EPB41L1: variants seen among roughly 807,000 people sequenced by gnomAD.
The protein encoded by EPB41L1 is band 4.1-like protein 1.
A neutral mutation model predicts 97.8 loss-of-function variants in EPB41L1; 29 were observed. The observed-to-expected ratio is 0.30, with a 90% CI of 0.22 to 0.40. The LOEUF (loss-of-function observed/expected upper bound fraction) is 0.40. Ranked by LOEUF, EPB41L1 falls within the 10% of genes least tolerant of loss-of-function variation. The pLI is 1.00. For synonymous variants in EPB41L1, 383 were observed against 459.2 expected (o/e 0.83, Z 2.12); for missense variants, 812 against 1,162.3 (o/e 0.70, Z 4.38).
At chr20:36,227,838 C>T (rs1002928274) in intron 21 of EPB41L1, among the ~76,000 whole-genome samples, 4 of 152,214 alleles carry the variant, frequency 2.6e-5, no homozygotes, top group African/African-American at 9.6e-5. Flanking sequence ...CTCCCTGCAA[C>T]CTTGCAGGTC....
intron 1 of EPB41L1, among the ~76,000 whole-genome samples, chr20:36,169,699 A>G (rs1406548971): frequency 1.3e-5 from 2 of 152,058 alleles, no homozygotes; most frequent in Non-Finnish European, 2.9e-5. Flanking sequence ...CTCTCCCTGC[A>G]TCTCCTGTCT....
intron 14 of EPB41L1, among the ~76,000 whole-genome samples, chr20:36,200,500 TGTAATCCAA>T (rs2146592909): frequency 6.6e-6 from 1 of 152,346 alleles, no homozygotes; most frequent in East Asian, 1.9e-4. Flanking sequence ...TAAAGGGGGC[TGTAATCCAA>T]ACTGCAGGGT....
At chr20:36,162,899 T>C (rs528406217) in intron 1 of EPB41L1, among the ~76,000 whole-genome samples, 1 of 152,318 alleles carries the variant, frequency 6.6e-6, no homozygotes, top group South Asian at 2.1e-4. Flanking sequence ...CCAGACAGGA[T>C]GACTGCAGAC....
rs148060927 is a variant in EPB41L1, at chr20:36,211,507, A to T, written c.2080-765A>T. The stretch of plus-strand genomic sequence containing the variant: ...CTCAACAAACCCTCTTCACTCATTG[A>T]CATCTCCTGCCTGGATGCTGTAGGC... On this transcript the variant is annotated intron_variant, in intron 15 of 21. Transcript: ENST00000338074. Among the ~76,000 whole-genome samples the T allele has an allele frequency of 8.9e-4, 136 of 152,270 alleles. 1 individual carries two copies. Among genetic ancestry groups the T allele is most frequent in the African/African-American group, 3.2e-3 (131 of 41,572 alleles).
Position 36,190,434 on chromosome 20 carries a change from A to G in EPB41L1, c.1124+60A>G. 1.9e-6 allele frequency: 3 copies of G among 1,576,560 alleles called. No individual in the cohort carries two copies. Among genetic ancestry groups the G allele is most frequent in the Non-Finnish European group, 2.6e-6 (3 of 1,151,378 alleles). On this transcript the variant is annotated intron_variant, in intron 10 of 21. Coordinates refer to ENST00000338074, the MANE Select transcript of EPB41L1 (RefSeq NM_012156.2). This position sits in a 1 kb window ranked among gnomAD's most constrained non-coding sequence, Gnocchi z 5.8. ...GGCAGAGGCCATGTGTATGGAGGGG[A>G]GCAGGGGGAGGAGTTAGTGAGAACT...
At chr20:36,147,567 G>C (rs934100530) in intron 2 of EPB41L1, among the ~76,000 whole-genome samples, 1 of 152,216 alleles carries the variant, frequency 6.6e-6, no homozygotes, top group African/African-American at 2.4e-5. Flanking sequence ...AATCAAGGTG[G>C]ATCTATAATG....
intron 1 of EPB41L1, among the ~76,000 whole-genome samples, chr20:36,104,914 G>C (rs2058140504): frequency 6.6e-6 from 1 of 152,132 alleles, no homozygotes; most frequent in African/African-American, 2.4e-5. Flanking sequence ...GTTAGGGTGA[G>C]GAGGGGGCCA....
intron 2 of EPB41L1, among the ~76,000 whole-genome samples, chr20:36,134,747 C>T (rs1457114073): frequency 1.3e-5 from 2 of 151,866 alleles, no homozygotes; most frequent in Non-Finnish European, 2.9e-5. Context: ...CCAAAGGCTG[C>T]ATTGGTCTCA....
chr20:36,126,227 A>G (rs2058960788), intron 2 of EPB41L1, among the ~76,000 whole-genome samples: 1 of 152,032 alleles, frequency 6.6e-6, no homozygotes, highest in African/African-American at 2.4e-5. Context: ...CATACCTCCT[A>G]AGGAGGGGTG....
Position 36,209,604 on chromosome 20 carries a change from G to T in EPB41L1, c.1785G>T (p.Lys595Asn). 6.2e-7 allele frequency: 1 copy of T among 1,614,174 alleles called. No homozygotes were observed. Among genetic ancestry groups the T allele is most frequent in the Non-Finnish European group, 8.5e-7 (1 of 1,180,024 alleles). ...AGGAGAGGGACACGGTGTTCCTGAA[G>T]GACAACCACCTGGCCATTGAGCGCA... The part of the protein sequence containing the change: ...QDQERDTVFL[K>N]DNHLAIERKC... Residue 595 changes from lysine (K) to asparagine (N), a missense_variant, in exon 15 of 22, where the codon AAG (lysine) becomes AAT (asparagine). Lys to Asn is a moderately conservative substitution (Grantham distance 94). Coordinates refer to ENST00000338074, the MANE Select transcript of EPB41L1 (RefSeq NM_012156.2). This position sits in a 1 kb window ranked among gnomAD's most constrained non-coding sequence, Gnocchi z 4.2.
At chr20:36,119,656 G>C (rs1423429668) in intron 2 of EPB41L1, among the ~76,000 whole-genome samples, 1 of 150,128 alleles carries the variant, frequency 6.7e-6, no homozygotes, top group Non-Finnish European at 1.5e-5. Context: ...GGAGGGGAGG[G>C]GAGGGGAGAG....
chr20:36,208,732 C>CCT (rs2062965069), intron 14 of EPB41L1, among the ~76,000 whole-genome samples: 2 of 152,158 alleles, frequency 1.3e-5, no homozygotes. Context: ...CCCTGACAGG[C>CCT]CAGTTGAGAG....
In EPB41L1 at chr20:36,173,764, G is replaced by A. The variant is rs1269184753; in HGVS notation, c.-14G>A. 2 of 1,613,918 alleles carry A rather than the reference G, an allele frequency of 1.2e-6. No homozygotes were observed. The highest frequency in any genetic ancestry group is 1.3e-5 in the African/African-American group (1 of 74,900). ...CATGATCTCCTTCATGCCAATGCAG[G>A]CGTGCTGGTCACCATGACAACAGAG... On this transcript the variant is annotated splice_region_variant and 5_prime_UTR_variant, in exon 2 of 22. Transcript: ENST00000338074.
intron 4 of EPB41L1, among the ~76,000 whole-genome samples, 184 bp from the exon 5 acceptor site, chr20:36,178,446 G>A (rs2061339711): frequency 1.3e-5 from 2 of 152,098 alleles, no homozygotes; most frequent in Non-Finnish European, 2.9e-5. Flanking sequence ...CAAGCCTGGT[G>A]GTGAATCCTG....
intron 1 of EPB41L1, chr20:36,112,387 C>A (rs946060563): frequency 9.8e-5 from 15 of 152,398 alleles, no homozygotes; most frequent in African/African-American, 3.6e-4. Flanking sequence ...GGCTCATGAA[C>A]TCCTGTTCTG....
chr20:36,208,581 G>C (rs2062957897), intron 14 of EPB41L1, among the ~76,000 whole-genome samples: 1 of 152,218 alleles, frequency 6.6e-6, no homozygotes, highest in African/African-American at 2.4e-5. Context: ...CTAAATGGAG[G>C]CTCGCTTAGC....
intron 1 of EPB41L1, among the ~76,000 whole-genome samples, chr20:36,157,765 A>G (rs984709039): frequency 7.2e-5 from 11 of 152,192 alleles, no homozygotes; most frequent in African/African-American, 2.7e-4. Context: ...GAAGTGGGGA[A>G]ACACCAGACT....
In EPB41L1 at chr20:36,207,087, G is replaced by A. The variant is rs2062862073; in HGVS notation, c.1669-2401G>A. 2.3e-6 allele frequency: 3 copies of A among 1,289,018 alleles called. No homozygotes were observed. The highest frequency in any genetic ancestry group is 2.3e-5 in the Admixed American group (1 of 43,526). The allele number at this position is 1,289,018 out of a possible 1,614,324, so 79.8% of individuals were successfully genotyped here. Reference sequence around the variant, plus strand: ...TTCACATGGAGGTGATCATTCCCCTGCCAGCCTCCCCTGGTCATTCTGAGG... The same window carrying A: ...TTCACATGGAGGTGATCATTCCCCTACCAGCCTCCCCTGGTCATTCTGAGG... On this transcript the variant is annotated intron_variant, in intron 14 of 21. Coordinates refer to ENST00000338074, the MANE Select transcript of EPB41L1 (RefSeq NM_012156.2). This position sits in a 1 kb window ranked among gnomAD's most constrained non-coding sequence, Gnocchi z 4.9.
At chr20:36,188,584 ACAC>A in intron 9 of EPB41L1, 85 bp downstream of exon 9, 2 of 220,758 alleles carry the variant, frequency 9.1e-6, no homozygotes, top group Middle Eastern at 1.3e-3. Flanking sequence ...GACTGCCAAC[ACAC>A]ACACACACAC....
Sources: gnomAD v4.1 joint callset for allele counts (sites outside exome capture counted in the v4.1 genomes callset) on GRCh38, gnomAD v4.1.1 for gene constraint, Gnocchi (gnomAD v3.1) non-coding constraint, MANE v1.5 for transcripts, NCBI Gene and HGNC (gene_info 2026-07-23, HGNC 2026-07-21) for gene names.